Variants in STXBP5L observed in about 807,000 individuals in gnomAD.
STXBP5L encodes the protein syntaxin binding protein 5L.
In STXBP5L, 65 loss-of-function variants were observed where a neutral mutation model predicts 144.5. That is an observed-to-expected ratio of 0.45 (90% CI 0.37 to 0.55). The LOEUF is 0.55. Among genes scored for constraint, STXBP5L ranks in the 20% least tolerant of loss-of-function variants. STXBP5L has a pLI of 0.00. For missense variants in STXBP5L, 1,298 were observed against 1,405.5 expected, an observed-to-expected ratio of 0.92 and a Z score of 1.22; for synonymous variants, 505 against 469.6, an observed-to-expected ratio of 1.08 and a Z score of -0.97.
chr3:121,099,223 T>C (rs2043292750), intron 5 of STXBP5L: 1 of 152,206 alleles, frequency 6.6e-6, no homozygotes, highest in African/African-American at 2.4e-5. Flanking sequence ...CAAATTGGTA[T>C]CAGGGTTCAG....
intron 2 of STXBP5L, among the ~76,000 whole-genome samples, chr3:120,932,844 A>G (rs890306667): frequency 3.7e-4 from 56 of 152,220 alleles, no homozygotes; most frequent in Non-Finnish European, 6.0e-4. Flanking sequence ...TGGCACATAT[A>G]CACCATGGAA....
chr3:121,040,200 A>C (rs182999360), intron 3 of STXBP5L, among the ~76,000 whole-genome samples: 1 of 152,092 alleles, frequency 6.6e-6, no homozygotes, highest in African/African-American at 2.4e-5. Context: ...TGAGTGCTAA[A>C]GGTTTTCGTA....
chr3:121,122,854 GAGAT>G (rs2044532884), intron 7 of STXBP5L, among the ~76,000 whole-genome samples: 1 of 151,490 alleles, frequency 6.6e-6, no homozygotes, highest in South Asian at 2.1e-4. Flanking sequence ...CTCATAATAA[GAGAT>G]AGGCAACAAA....
intron 14 of STXBP5L, among the ~76,000 whole-genome samples, chr3:121,246,552 G>C (rs2049858177): frequency 1.3e-5 from 2 of 152,084 alleles, no homozygotes; most frequent in South Asian, 4.1e-4. Flanking sequence ...AGGGTATATA[G>C]AGTCTCAGAT....
chr3:121,329,199 T>C (rs1007739515), intron 20 of STXBP5L, among the ~76,000 whole-genome samples: 1 of 152,154 alleles, frequency 6.6e-6, no homozygotes, highest in Non-Finnish European at 1.5e-5. Flanking sequence ...TGGGTAAAAG[T>C]CCCGTAGGTT....
chr3:121,246,880 A>C (rs2049870935), intron 14 of STXBP5L, among the ~76,000 whole-genome samples: 1 of 152,216 alleles, frequency 6.6e-6, no homozygotes, highest in African/African-American at 2.4e-5. Context: ...CTAAGAAAAA[A>C]AGAATCTATA....
intron 3 of STXBP5L, among the ~76,000 whole-genome samples, chr3:120,993,494 T>C (rs953297379): frequency 1.3e-5 from 2 of 152,020 alleles, no homozygotes; most frequent in African/African-American, 4.8e-5. Context: ...TATTCTGAGA[T>C]TTAGGGGTCT....
chr3:121,229,723 T>C (rs2049241286), intron 11 of STXBP5L, among the ~76,000 whole-genome samples: 1 of 151,950 alleles, frequency 6.6e-6, no homozygotes, highest in African/African-American at 2.4e-5. Context: ...ACCTGGCTAA[T>C]TATTTTATTT....
chr3:121,329,625 C>A (rs1309519519), intron 20 of STXBP5L, among the ~76,000 whole-genome samples: 2 of 152,142 alleles, frequency 1.3e-5, no homozygotes, highest in African/African-American at 2.4e-5. Flanking sequence ...CTTTGGGAGG[C>A]TGAGGCGGGA....
intron 24 of STXBP5L, 125 bp from the exon 25 acceptor site, chr3:121,415,732 C>A: frequency 1.8e-6 from 1 of 541,306 alleles, no homozygotes; most frequent in Non-Finnish European, 3.1e-6. Flanking sequence ...CAAAAATCAC[C>A]ATGAAAATAT....
intron 20 of STXBP5L, chr3:121,324,345 C>G (rs191551790): frequency 5.8e-4 from 292 of 506,158 alleles, no homozygotes; most frequent in African/African-American, 5.2e-3. Flanking sequence ...TTTGTTGGAG[C>G]AGTATTTATC....
At chr3:121,126,645 A>G (rs2044715996) in intron 7 of STXBP5L, among the ~76,000 whole-genome samples, 4 of 152,190 alleles carry the variant, frequency 2.6e-5, no homozygotes, top group Non-Finnish European at 5.9e-5. Flanking sequence ...GAAATAAAAT[A>G]ACTTCCTTTG....
At position 121,045,482 on chromosome 3, in the gene STXBP5L, C is replaced by A. The variant is rs750164594; in HGVS notation, c.417C>A (p.Asn139Lys). 14 of 1,613,026 alleles carry A rather than the reference C, an allele frequency of 8.7e-6. No individual in the cohort carries two copies. The highest frequency in any genetic ancestry group is 1.7e-5 in the Admixed American group (1 of 59,932). The change falls in exon 5 of 27, where the codon AAC becomes AAA. Residue 139 changes from asparagine (N) to lysine (K), a missense_variant. Transcript: ENST00000471454. ...CAGATGATACACTTCATTTGTGGAA[C>A]CTTAGACAAAAAAGGCCAGCCATAC... ...ASSDDTLHLW[N>K]LRQKRPAILH...
intron 19 of STXBP5L, among the ~76,000 whole-genome samples, chr3:121,284,636 G>A (rs1368039443): frequency 1.3e-5 from 2 of 152,052 alleles, no homozygotes; most frequent in Admixed American, 1.3e-4. Flanking sequence ...ATAGAGCATG[G>A]CAGCAGACTT....
chr3:121,032,527 C>T (rs915275558), intron 3 of STXBP5L, among the ~76,000 whole-genome samples: 5 of 150,388 alleles, frequency 3.3e-5, no homozygotes, highest in South Asian at 2.1e-4. Flanking sequence ...ACTTCATGTC[C>T]AAAACACCAA....
intron 2 of STXBP5L, among the ~76,000 whole-genome samples, chr3:120,944,772 C>T (rs539096648): frequency 3.5e-4 from 53 of 151,778 alleles, no homozygotes; most frequent in African/African-American, 1.2e-3. Context: ...TTTCTATCAC[C>T]GTTATGCCAC....
chr3:121,221,863 A>G (rs1320657275), intron 10 of STXBP5L, among the ~76,000 whole-genome samples: 3 of 151,906 alleles, frequency 2.0e-5, no homozygotes, highest in Admixed American at 2.0e-4. Context: ...ATGTTTGTAT[A>G]GAAGCTTTGT....
chr3:121,188,293 ACTC>A (rs2047485838), intron 9 of STXBP5L, among the ~76,000 whole-genome samples: 1 of 152,110 alleles, frequency 6.6e-6, no homozygotes, highest in Non-Finnish European at 1.5e-5. Flanking sequence ...AAAGTAAAGC[ACTC>A]CTCAGCAAAT....
chr3:120,955,554 G>T (rs1186109603), intron 3 of STXBP5L, among the ~76,000 whole-genome samples: 1 of 151,882 alleles, frequency 6.6e-6, no homozygotes, highest in African/African-American at 2.4e-5. Context: ...TTCTACTTTA[G>T]TGTCATCTTG....
Sources: gnomAD v4.1 joint callset for allele counts (sites outside exome capture counted in the v4.1 genomes callset) on GRCh38, gnomAD v4.1.1 for gene constraint, MANE v1.5 for transcripts, NCBI Gene and HGNC (gene_info 2026-07-23, HGNC 2026-07-21) for gene names.